The following UGT1A1 variants were observed in gnomAD, a reference collection of about 807,000 sequenced individuals.
The protein encoded by UGT1A1 is UDP glucuronosyltransferase family 1 member A1, also known as UDP-glucuronosyltransferase 1A1.
Under a neutral mutation model 40.6 loss-of-function variants are expected in UGT1A1, and 33 were observed. That is an observed-to-expected ratio of 0.81 (90% CI 0.62 to 1.09). The LOEUF is 1.09. Among genes scored for constraint, UGT1A1 ranks in the 50% least tolerant of loss-of-function variants. UGT1A1 has a pLI of 0.00. For missense variants in UGT1A1, 694 were observed against 671.2 expected, an observed-to-expected ratio of 1.03 and a Z score of -0.38; for synonymous variants, 249 against 265.0, an observed-to-expected ratio of 0.94 and a Z score of 0.59.
At position 233,765,603 on chromosome 2, in the gene UGT1A1, T is replaced by C. The variant is rs376691829; in HGVS notation, c.865-1431T>C. ...GGGGAACAACACACACCAGGGCTTG[T>C]GGCGGGGTGAGGGGTGAGGGGAGGA... On this transcript the variant is annotated intron_variant, in intron 1 of 4. Coordinates refer to ENST00000305208, the MANE Select transcript of UGT1A1 (RefSeq NM_000463.3). Among the ~76,000 whole-genome samples, 8 of 151,018 alleles carry C rather than the reference T, an allele frequency of 5.3e-5. No individual in the cohort carries two copies. In the East Asian group the frequency reaches 5.8e-4, roughly 11 times the overall value.
rs1699582839 is a variant in UGT1A1, at chr2:233,768,178, C to CA, written c.1085-41dup. On this transcript the variant is annotated intron_variant, in intron 3 of 4. Transcript: ENST00000305208. ...CCTAGATGTGTCCAGCTGTGAAACTCAGAGATGTAACTGCTGACATCCTCC... is the reference window on the plus strand; with the variant it reads ...CCTAGATGTGTCCAGCTGTGAAACTCAAGAGATGTAACTGCTGACATCCTCC... 5.6e-6 allele frequency: 9 copies of CA among 1,613,764 alleles called. No individual in the cohort carries two copies. In the Admixed American group the frequency reaches 8.3e-5, roughly 15 times the overall value.
In UGT1A1 at chr2:233,760,894, CACATGACCTTCCTGCAGCGGGTGA is replaced by C. The variant is rs1553620849; in HGVS notation, c.609_632del (p.His203_Lys211delinsGln). ...CAGGCCTCTCTCCTCTCATTCAGAT[CACATGACCTTCCTGCAGCGGGTGA>C]AGAACATGCTCATTGCCTTTTCACA... On this transcript the variant is annotated inframe_deletion, in exon 1 of 5. Coordinates refer to ENST00000305208, the MANE Select transcript of UGT1A1 (RefSeq NM_000463.3). The C allele has an allele frequency of 3.1e-6, 5 of 1,614,174 alleles. No homozygotes were observed. The highest frequency in any genetic ancestry group is 1.7e-5 in the Admixed American group (1 of 60,026).
intron 2 of UGT1A1, among the ~76,000 whole-genome samples, chr2:233,767,609 C>G (rs1559414231): frequency 6.6e-6 from 1 of 152,118 alleles, no homozygotes; most frequent in Admixed American, 6.6e-5. Flanking sequence ...TGAAAAAATC[C>G]TAAGTGCACA....
chr2:233,772,155 C>T, intron 4 of UGT1A1, 107 bp from the exon 5 acceptor site: 1 of 1,559,740 alleles, frequency 6.4e-7, no homozygotes, highest in Non-Finnish European at 8.7e-7. Context: ...GGTTTCCTTT[C>T]CCAAGTTTGG....
Position 233,760,677 on chromosome 2 carries a change from A to T in UGT1A1, c.390A>T (p.Leu130Phe), listed in dbSNP as rs555950591. 1.9e-6 allele frequency: 3 copies of T among 1,614,148 alleles called. No individual in the cohort carries two copies. The African/African-American group carries it at 4.0e-5, about 22-fold the overall frequency. The change falls in exon 1 of 5, where the codon TTA (leucine) becomes TTT (phenylalanine). Residue 130 changes from leucine to phenylalanine, a missense_variant. Physicochemically the swap from Leu to Phe is conservative, Grantham distance 22 (BLOSUM62 0). Transcript: ENST00000305208. ...TGCTTTTGTCTGGCTGTTCCCACTT[A>T]CTGCACAACAAGGAGCTCATGGCCT... ...SAMLLSGCSH[L>F]LHNKELMASL...
rs1215512591 is a variant in UGT1A1 at position 233,760,664 on chromosome 2, G to C, written c.377G>C (p.Gly126Ala). 6.2e-7 allele frequency: 1 copy of C among 1,614,182 alleles called. No individual in the cohort carries two copies. The highest frequency in any genetic ancestry group is 1.7e-5 in the Admixed American group (1 of 60,022). The change falls in exon 1 of 5, where the codon GGC becomes GCC. Residue 126 changes from glycine (G) to alanine (A), a missense_variant. Coordinates refer to ENST00000305208, the MANE Select transcript of UGT1A1 (RefSeq NM_000463.3). Reference protein sequence around the residue: ...IKKDSAMLLSGCSHLLHNKEL... With the variant: ...IKKDSAMLLSACSHLLHNKEL... ...AAGGACTCTGCTATGCTTTTGTCTG[G>C]CTGTTCCCACTTACTGCACAACAAG...
intron 1 of UGT1A1, 24 bp downstream of exon 1, chr2:233,761,175 A>G (rs1340390077): frequency 1.2e-6 from 2 of 1,614,094 alleles, no homozygotes; most frequent in African/African-American, 2.7e-5. Flanking sequence ...TGGGACTTTT[A>G]CATGCGTATA....
In UGT1A1 at chr2:233,766,922, G is replaced by A. The variant is rs955173337; in HGVS notation, c.865-112G>A. The A allele has an allele frequency of 8.3e-6, 13 of 1,559,654 alleles. No individual in the cohort carries two copies. The Middle Eastern group carries it at 1.0e-3, about 123-fold the overall frequency. On this transcript the variant is annotated intron_variant, in intron 1 of 4. Transcript: ENST00000305208. ...TAATTTTTTACTCTATCTCAAACAC[G>A]CATGCCTTTAATCATAGTCTTAAGA...
chr2:233,761,168 G>A lies in UGT1A1; in HGVS notation c.864+17G>A. On this transcript the variant is annotated intron_variant, in intron 1 of 4. Transcript: ENST00000305208. ...CTATCCCAGGTGTGTATTGGAGTGGGACTTTTACATGCGTATATTCTTTCA... is the reference window on the plus strand; with the variant it reads ...CTATCCCAGGTGTGTATTGGAGTGGAACTTTTACATGCGTATATTCTTTCA... 6.2e-7 allele frequency: 1 copy of A among 1,614,168 alleles called. No individual in the cohort carries two copies. Among genetic ancestry groups the A allele is most frequent in the Non-Finnish European group, 8.5e-7 (1 of 1,180,050 alleles).
At chr2:233,765,423 G>T (rs181881481) in intron 1 of UGT1A1, among the ~76,000 whole-genome samples, 1 of 152,168 alleles carries the variant, frequency 6.6e-6, no homozygotes, top group South Asian at 2.1e-4. Context: ...ATACTATGCA[G>T]CCATAACAAG....
intron 1 of UGT1A1, among the ~76,000 whole-genome samples, chr2:233,766,325 G>C (rs574966930): frequency 6.6e-6 from 1 of 152,110 alleles, no homozygotes; most frequent in African/African-American, 2.4e-5. Flanking sequence ...GCCAAACTCC[G>C]CGTTGTTCTG....
At chr2:233,763,534 C>T (rs545430015) in intron 1 of UGT1A1, among the ~76,000 whole-genome samples, 5 of 152,184 alleles carry the variant, frequency 3.3e-5, no homozygotes, top group Admixed American at 1.3e-4. Context: ...CTCCTTTTTC[C>T]GGATTTCTAC....
chr2:233,768,067 T>C, intron 3 of UGT1A1, 131 bp downstream of exon 3: 1 of 1,596,454 alleles, frequency 6.3e-7, no homozygotes, highest in Non-Finnish European at 8.5e-7. Context: ...GCTTTTTATC[T>C]AGTGGGGTAT....
intron 1 of UGT1A1, among the ~76,000 whole-genome samples, chr2:233,765,636 G>A (rs1698897187): frequency 6.6e-6 from 1 of 151,630 alleles, no homozygotes; most frequent in Non-Finnish European, 1.5e-5. Context: ...GGAACTTAGA[G>A]GATAGGTCAA....
chr2:233,768,575 AT>A (rs1699646969), intron 4 of UGT1A1, 136 bp downstream of exon 4: 6 of 1,110,618 alleles, frequency 5.4e-6, no homozygotes, highest in Non-Finnish European at 7.1e-6. Flanking sequence ...CTGGATTTTT[AT>A]TTCTTCTTTT....
At chr2:233,770,071 ATTC>A (rs1346170672) in intron 4 of UGT1A1, 1 of 153,458 alleles carries the variant, frequency 6.5e-6, no homozygotes, top group Non-Finnish European at 1.5e-5. Context: ...TATAATTTTG[ATTC>A]TTTCTTCAGT....
chr2:233,765,271 A>T (rs1304943144), intron 1 of UGT1A1, among the ~76,000 whole-genome samples: 1 of 152,224 alleles, frequency 6.6e-6, no homozygotes, highest in Admixed American at 6.5e-5. Flanking sequence ...TACCCAAAGA[A>T]ATATAAATTA....
intron 1 of UGT1A1, among the ~76,000 whole-genome samples, chr2:233,761,451 T>A (rs1697772637): frequency 6.6e-6 from 1 of 152,220 alleles, no homozygotes; most frequent in South Asian, 2.1e-4. Context: ...ATGCTGGGTT[T>A]GGGGCACCCT....
chr2:233,772,682 G>A lies in UGT1A1; in HGVS notation c.*123G>A, dbSNP rs1700541485. The A allele has an allele frequency of 6.7e-7, 1 of 1,494,640 alleles. No individual in the cohort carries two copies. The allele number at this position is 1,494,640 out of a possible 1,614,324, so 92.6% of individuals were successfully genotyped here. On this transcript the variant is annotated 3_prime_UTR_variant, in exon 5 of 5. Coordinates refer to ENST00000305208, the MANE Select transcript of UGT1A1 (RefSeq NM_000463.3). ...GGAAATACTTTGCATAAATTAATCA[G>A]CCCCAGAGTGCTTTAAAAAATTCTC...
Sources: gnomAD v4.1 joint callset for allele counts (sites outside exome capture counted in the v4.1 genomes callset) on GRCh38, gnomAD v4.1.1 for gene constraint, MANE v1.5 for transcripts, NCBI Gene and HGNC (gene_info 2026-07-23, HGNC 2026-07-21) for gene names.